Variants in CADPS observed in about 807,000 individuals in gnomAD.
CADPS encodes the protein calcium dependent secretion activator, also known as calcium-dependent secretion activator 1.
Under a neutral mutation model 167.3 loss-of-function variants are expected in CADPS, and 57 were observed. The observed-to-expected ratio is 0.34, with a 90% CI of 0.28 to 0.42. CADPS has a LOEUF of 0.42. CADPS is among the 20% of genes least tolerant of loss of function. The pLI is 1.00. For synonymous variants in CADPS, 676 were observed against 635.3 expected (o/e 1.06, Z -0.96); for missense variants, 1,414 against 1,738.1 (o/e 0.81, Z 3.32).
intron 9 of CADPS, among the ~76,000 whole-genome samples, chr3:62,569,368 C>T (rs1274099304): frequency 1.3e-5 from 2 of 152,212 alleles, no homozygotes; most frequent in East Asian, 1.9e-4. Flanking sequence ...TCCCAAAGTG[C>T]TGGGATTACA....
chr3:62,493,786 T>A, intron 18 of CADPS, 121 bp from the exon 19 acceptor site: 2 of 817,718 alleles, frequency 2.4e-6, no homozygotes, highest in Non-Finnish European at 4.0e-6. Context: ...TGATTCAGAT[T>A]AATGGGAGAG....
rs139513227 is a variant in CADPS at position 62,701,386 on chromosome 3, A to T, written c.889-38992T>A. Among the ~76,000 whole-genome samples the T allele has an allele frequency of 5.6e-4, 85 of 152,238 alleles. 1 individual carries two copies. The East Asian group carries it at 0.015, about 27-fold the overall frequency. On this transcript the variant is annotated intron_variant, in intron 3 of 29. Coordinates refer to ENST00000383710, the MANE Select transcript of CADPS (RefSeq NM_003716.4). ...AGGTACAGGTATGAATGGAATGTGG[A>T]TAAGAGCACTGCTTCTGGACTATGA... is the stretch of plus-strand genomic sequence containing the variant.
At chr3:62,713,390 A>G (rs1019697353) in intron 3 of CADPS, among the ~76,000 whole-genome samples, 4 of 152,212 alleles carry the variant, frequency 2.6e-5, no homozygotes, top group Non-Finnish European at 5.9e-5. Flanking sequence ...TCTCCATAAG[A>G]CATGCCCACC....
At position 62,399,657 on chromosome 3, in the gene CADPS, G is replaced by C; in HGVS notation, c.3883-72C>G. On this transcript the variant is annotated intron_variant, in intron 29 of 29. Transcript: ENST00000383710. This position sits in a 1 kb window ranked among gnomAD's most constrained non-coding sequence, Gnocchi z 5.6. ...ATGGGGAGGGAGAAGGTAAAAGCAG[G>C]TGTGGGTGGGAGAGCACTGACCTTC... is the stretch of plus-strand genomic sequence containing the variant. The C allele has an allele frequency of 7.6e-7, 1 of 1,316,228 alleles. No individual in the cohort carries two copies. The highest frequency in any genetic ancestry group is 1.3e-5 in the South Asian group (1 of 79,816). The allele number at this position is 1,316,228 out of a possible 1,614,324, so 81.5% of individuals were successfully genotyped here.
intron 1 of CADPS, among the ~76,000 whole-genome samples, chr3:62,845,168 G>A (rs2077211115): frequency 1.3e-5 from 2 of 152,144 alleles, no homozygotes; most frequent in Admixed American, 1.3e-4. Context: ...GGACATATCT[G>A]TCAGGTTGGC....
chr3:62,644,248 T>C (rs959931794), intron 6 of CADPS, among the ~76,000 whole-genome samples: 8 of 152,206 alleles, frequency 5.3e-5, no homozygotes, highest in African/African-American at 1.7e-4. Context: ...TCAGGGTTTC[T>C]CTTTTGATGA....
chr3:62,859,129 C>T (rs2080269157), intron 1 of CADPS, among the ~76,000 whole-genome samples: 1 of 152,110 alleles, frequency 6.6e-6, no homozygotes, highest in African/African-American at 2.4e-5. Context: ...AAATGTTCTG[C>T]ATCACAAATC....
intron 27 of CADPS, among the ~76,000 whole-genome samples, chr3:62,443,201 C>G (rs183876863): frequency 6.6e-6 from 1 of 152,268 alleles, no homozygotes; most frequent in Non-Finnish European, 1.5e-5. Context: ...TTCTACTAAC[C>G]CGATGTGGGA....
intron 1 of CADPS, among the ~76,000 whole-genome samples, chr3:62,861,774 A>C (rs2080845881): frequency 6.6e-6 from 1 of 152,182 alleles, no homozygotes; most frequent in South Asian, 2.1e-4. Context: ...GGCATCTACC[A>C]TCATGAACCA....
At chr3:62,457,944 T>C (rs1206979166) in intron 26 of CADPS, among the ~76,000 whole-genome samples, 1 of 151,974 alleles carries the variant, frequency 6.6e-6, no homozygotes, top group African/African-American at 2.4e-5. Flanking sequence ...GGTGGGGGAC[T>C]AGGGGAGGGA....
chr3:62,474,355 G>T (rs372021165), intron 23 of CADPS, 35 bp from the exon 24 acceptor site: 3 of 1,605,354 alleles, frequency 1.9e-6, no homozygotes, highest in East Asian at 2.2e-5. Context: ...CCAATTCAGC[G>T]TTCAGATGGC....
At chr3:62,501,100 C>A (rs1315897564) in intron 17 of CADPS, among the ~76,000 whole-genome samples, 4 of 152,150 alleles carry the variant, frequency 2.6e-5, no homozygotes, top group Non-Finnish European at 5.9e-5. Context: ...GTGGCTGGAT[C>A]TGGTTAGAGC....
chr3:62,740,970 AT>A (rs2080102219), intron 3 of CADPS, among the ~76,000 whole-genome samples: 1 of 152,210 alleles, frequency 6.6e-6, no homozygotes, highest in Non-Finnish European at 1.5e-5. Flanking sequence ...GATGGATTTT[AT>A]TCCTTCAAAT....
intron 9 of CADPS, among the ~76,000 whole-genome samples, chr3:62,561,731 C>T (rs2079199912): frequency 6.6e-6 from 1 of 152,140 alleles, no homozygotes; most frequent in African/African-American, 2.4e-5. Context: ...CTCTCCTCTC[C>T]CCTTCTTATC....
chr3:62,841,856 C>T lies in CADPS; in HGVS notation c.441+32733G>A, dbSNP rs577998807. 3.9e-5 allele frequency among the ~76,000 whole-genome samples: 6 copies of T among 152,248 alleles called. No individual in the cohort carries two copies. The South Asian group carries it at 1.2e-3, about 32-fold the overall frequency. ...CCAAATTTGTCAATATATTATTTCC[C>T]TCTGGCTTATGGTTCTCTCTCGCTA... is the stretch of plus-strand genomic sequence containing the variant. On this transcript the variant is annotated intron_variant, in intron 1 of 29. Transcript: ENST00000383710.
At chr3:62,592,815 T>C (rs2086354033) in intron 6 of CADPS, 67 bp from the exon 7 acceptor site, 2 of 1,189,920 alleles carry the variant, frequency 1.7e-6, no homozygotes, top group Admixed American at 3.6e-5. Context: ...TATTCCATTG[T>C]TCCCAGGTCA....
At chr3:62,841,709 G>C (rs186865294) in intron 1 of CADPS, among the ~76,000 whole-genome samples, 65 of 152,200 alleles carry the variant, frequency 4.3e-4, no homozygotes, top group Non-Finnish European at 2.1e-4. Flanking sequence ...TCAAAAATAT[G>C]TATTTCATAT....
At chr3:62,646,161 C>CTTTTT (rs35748758) in intron 5 of CADPS, among the ~76,000 whole-genome samples, 21 of 129,110 alleles carry the variant, frequency 1.6e-4, no homozygotes, top group African/African-American at 5.5e-4. Context: ...GGAATTGGCT[C>CTTTTT]TTTTTTTTTT....
chr3:62,772,370 G>A (rs905660293), intron 1 of CADPS, among the ~76,000 whole-genome samples: 2 of 152,110 alleles, frequency 1.3e-5, no homozygotes, highest in Non-Finnish European at 2.9e-5. Flanking sequence ...GAAAACTACT[G>A]GGGGCATCTT....
Sources: allele counts gnomAD v4.1 joint callset (sites outside exome capture counted in the v4.1 genomes callset), GRCh38; gene constraint gnomAD v4.1.1; non-coding constraint Gnocchi (gnomAD v3.1); transcripts MANE v1.5; gene names NCBI Gene and HGNC (gene_info 2026-07-23, HGNC 2026-07-21).